Variants in CBFA2T3 observed in about 807,000 individuals in gnomAD.
CBFA2T3 encodes the protein CBFA2/RUNX1 partner transcriptional co-repressor 3.
CBFA2T3 carries 31 observed loss-of-function variants against 58.6 expected under a neutral mutation model. The ratio of observed to expected loss-of-function variants is 0.53; its 90% CI spans 0.40 to 0.71. CBFA2T3 has a LOEUF of 0.71. Ranked by LOEUF, CBFA2T3 falls within the 30% of genes least tolerant of loss-of-function variation. CBFA2T3 has a pLI of 0.00. For synonymous variants in CBFA2T3, 531 were observed against 421.9 expected (o/e 1.26, Z -3.17); for missense variants, 1,076 against 963.1 (o/e 1.12, Z -1.55).
At chr16:88,902,139 G>A (rs502258) in intron 1 of CBFA2T3, among the ~76,000 whole-genome samples, 44,177 of 152,076 alleles carry the variant, frequency 0.29, 6,521 homozygotes, top group Middle Eastern at 0.35. Context: ...GTCTGGCCCT[G>A]GAAGCCATGG....
intron 1 of CBFA2T3, among the ~76,000 whole-genome samples, chr16:88,967,039 C>T (rs551360599): frequency 1.1e-4 from 17 of 152,272 alleles, no homozygotes; most frequent in East Asian, 7.7e-4. Context: ...GTTTGTAGCA[C>T]GGGAAATTGA....
chr16:88,881,280 C>A lies in CBFA2T3; in HGVS notation c.1402+11G>T. 6.3e-7 allele frequency: 1 copy of A among 1,594,208 alleles called. No homozygotes were observed. Among genetic ancestry groups the A allele is most frequent in the East Asian group, 2.2e-5 (1 of 44,594 alleles). On this transcript the variant is annotated intron_variant, in intron 9 of 11. Transcript: ENST00000268679. ...CCGTGTCTGCTCCCTCCCCCCACAC[C>A]CCACACGCACCTAGCTGAGGCCCTT...
chr16:88,882,229 C>T (rs1023307367), intron 8 of CBFA2T3, among the ~76,000 whole-genome samples: 34 of 152,234 alleles, frequency 2.2e-4, no homozygotes, highest in Non-Finnish European at 4.4e-4. Flanking sequence ...GCCCTGCTGT[C>T]TCCAGCAGCC....
At chr16:88,911,321 C>T (rs1046881237) in intron 1 of CBFA2T3, among the ~76,000 whole-genome samples, 2 of 152,240 alleles carry the variant, frequency 1.3e-5, no homozygotes, top group East Asian at 1.9e-4. Flanking sequence ...TCGCCTCCCG[C>T]GCCGCTGTGT....
chr16:88,890,248 C>G (rs1046960273), intron 5 of CBFA2T3, among the ~76,000 whole-genome samples: 6 of 152,182 alleles, frequency 3.9e-5, no homozygotes, highest in Admixed American at 3.9e-4. Context: ...ACGCTGTCTC[C>G]TCAACAGCCT....
chr16:88,917,071 CAAAAAAAAAAAAAAGG>C (rs1295917157), intron 1 of CBFA2T3, among the ~76,000 whole-genome samples: 1 of 81,152 alleles, frequency 1.2e-5, no homozygotes. Context: ...GACTCTGTCT[CAAAAAAAAAAAAAAGG>C]AAAAAAAGAA....
At chr16:88,948,560 G>A (rs998328922) in intron 1 of CBFA2T3, among the ~76,000 whole-genome samples, 7 of 152,350 alleles carry the variant, frequency 4.6e-5, no homozygotes, top group South Asian at 2.1e-4. Context: ...GAGGGAGTCC[G>A]GGCTCCGGAC....
At chr16:88,893,611 G>A (rs1034513659) in intron 3 of CBFA2T3, among the ~76,000 whole-genome samples, 4 of 152,224 alleles carry the variant, frequency 2.6e-5, no homozygotes, top group Admixed American at 6.5e-5. Flanking sequence ...GCCAGTGCAT[G>A]TTGAGGACAA....
At chr16:88,909,501 G>A (rs987599338) in intron 1 of CBFA2T3, among the ~76,000 whole-genome samples, 2 of 151,946 alleles carry the variant, frequency 1.3e-5, no homozygotes, top group Non-Finnish European at 2.9e-5. Context: ...CAGCTGGGAC[G>A]GAGGACGCCA....
chr16:88,886,218 T>C (rs1015453815), intron 5 of CBFA2T3, 76 bp from the exon 6 acceptor site: 6 of 1,136,188 alleles, frequency 5.3e-6, no homozygotes, highest in Non-Finnish European at 7.1e-6. Context: ...AGAGGGGGCC[T>C]GGGCTGGGTG....
chr16:88,905,529 C>T (rs975710756), intron 1 of CBFA2T3, among the ~76,000 whole-genome samples: 1 of 151,692 alleles, frequency 6.6e-6, no homozygotes, highest in East Asian at 1.9e-4. Flanking sequence ...GGATGCAGCT[C>T]GCCCAGGGTA....
intron 1 of CBFA2T3, among the ~76,000 whole-genome samples, chr16:88,922,057 G>A (rs976782992): frequency 4.6e-5 from 7 of 152,234 alleles, no homozygotes. Context: ...CTGATTTCAG[G>A]GCTGGTGTCG....
intron 1 of CBFA2T3, among the ~76,000 whole-genome samples, chr16:88,923,166 C>T (rs192516065): frequency 1.7e-3 from 264 of 152,322 alleles, no homozygotes; most frequent in African/African-American, 6.0e-3. Context: ...AGCAGGTTGG[C>T]GAGCTGGGAG....
In CBFA2T3 at chr16:88,886,016, A is replaced by C. The variant is rs561624190; in HGVS notation, c.838T>G (p.Ser280Ala). 100 of 1,563,458 alleles carry C rather than the reference A, an allele frequency of 6.4e-5. No homozygotes were observed. Among genetic ancestry groups the C allele is most frequent in the Middle Eastern group, 3.7e-4 (2 of 5,424 alleles). Residue 280 changes from serine to alanine, a missense_variant, in exon 6 of 12, where the codon TCC becomes GCC. Physicochemically the swap from Ser to Ala is moderately conservative, Grantham distance 99. Transcript: ENST00000268679. The part of the protein sequence containing the change: ...LDASASSPID[S>A]SELLLEVNEN... ...TTGACTTCCAGTAGCAGCTCTGAGGAGTCGATGGGGGAGGAGGCGCTGGCG... is the reference window on the plus strand; with the variant it reads ...TTGACTTCCAGTAGCAGCTCTGAGGCGTCGATGGGGGAGGAGGCGCTGGCG...
chr16:88,922,134 G>A lies in CBFA2T3; in HGVS notation c.152-20478C>T, dbSNP rs373778769. On this transcript the variant is annotated intron_variant, in intron 1 of 11. Coordinates refer to ENST00000268679, the MANE Select transcript of CBFA2T3 (RefSeq NM_005187.6). ...GGTTCAATGGCTGAGGCTGGCCTGC[G>A]CCACACTTTGGGTGGGGGTACTTCC... is the stretch of plus-strand genomic sequence containing the variant. Among the ~76,000 whole-genome samples the A allele has an allele frequency of 8.0e-4, 122 of 152,364 alleles. 1 individual carries two copies. The highest frequency in any genetic ancestry group is 2.7e-3 in the African/African-American group (111 of 41,578).
chr16:88,907,503 C>T (rs1308377182), intron 1 of CBFA2T3, among the ~76,000 whole-genome samples: 1 of 152,190 alleles, frequency 6.6e-6, no homozygotes, highest in Non-Finnish European at 1.5e-5. Flanking sequence ...AGAGGACCAA[C>T]TCTGTCCTCA....
intron 1 of CBFA2T3, among the ~76,000 whole-genome samples, chr16:88,966,693 C>A (rs1047517550): frequency 2.0e-5 from 3 of 151,996 alleles, no homozygotes; most frequent in African/African-American, 7.2e-5. Flanking sequence ...TGCCTGCCAT[C>A]ACCAACACCT....
chr16:88,926,644 C>G (rs970354934), intron 1 of CBFA2T3, among the ~76,000 whole-genome samples: 3 of 152,202 alleles, frequency 2.0e-5, no homozygotes, highest in African/African-American at 7.2e-5. Flanking sequence ...GCAGGGAGGC[C>G]CGAGGGCAGG....
chr16:88,964,168 TG>T (rs1972437498), intron 1 of CBFA2T3, among the ~76,000 whole-genome samples: 1 of 152,250 alleles, frequency 6.6e-6, no homozygotes, highest in South Asian at 2.1e-4. Flanking sequence ...AAACACGGCT[TG>T]GGGTCAGCTG....
Sources: allele counts gnomAD v4.1 joint callset (sites outside exome capture counted in the v4.1 genomes callset), GRCh38; gene constraint gnomAD v4.1.1; transcripts MANE v1.5; gene names NCBI Gene and HGNC (gene_info 2026-07-23, HGNC 2026-07-21).